The following FSHR variants were observed in gnomAD, a reference collection of about 807,000 sequenced individuals.
FSHR encodes the protein follicle-stimulating hormone receptor.
Under a neutral mutation model 52.1 loss-of-function variants are expected in FSHR, and 46 were observed. That is an observed-to-expected ratio of 0.88 (90% CI 0.70 to 1.13). The LOEUF (loss-of-function observed/expected upper bound fraction) is 1.13. FSHR is among the 50% of genes most tolerant of loss of function. FSHR has a pLI of 0.00. For missense variants in FSHR, 964 were observed against 834.6 expected, an observed-to-expected ratio of 1.16 and a Z score of -1.91; for synonymous variants, 399 against 309.6, an observed-to-expected ratio of 1.29 and a Z score of -3.03.
rs776237964 is a variant in FSHR, at chr2:48,963,878, C to A, written c.943G>T (p.Ala315Ser). The A allele has an allele frequency of 6.2e-7, 1 of 1,613,582 alleles. No homozygotes were observed. Among genetic ancestry groups the A allele is most frequent in the East Asian group, 2.2e-5 (1 of 44,876 alleles). ...TQARGQRSSLAEDNESSYSRG... is the reference protein window; with the variant it reads ...TQARGQRSSLSEDNESSYSRG... ...CTGTAGCTGGACTCATTGTCTTCTG[C>A]CAGAGAGGATCTCTGACCCCTAGCC... Residue 315 changes from alanine (A) to serine (S), a missense_variant, in exon 10 of 10, where the codon GCA (alanine) becomes TCA (serine). Coordinates refer to ENST00000406846, the MANE Select transcript of FSHR (RefSeq NM_000145.4).
chr2:49,096,766 C>T (rs58130184), intron 1 of FSHR, among the ~76,000 whole-genome samples: 4,490 of 152,210 alleles, frequency 0.029, 201 homozygotes, highest in African/African-American at 0.1. Context: ...GTGGGAGGTA[C>T]CTGGATCACT....
intron 1 of FSHR, among the ~76,000 whole-genome samples, chr2:49,100,513 T>C (rs1670986867): frequency 6.6e-6 from 1 of 152,162 alleles, no homozygotes. Flanking sequence ...AAAAGGAAAG[T>C]CTCAAGACTA....
intron 1 of FSHR, among the ~76,000 whole-genome samples, chr2:49,101,088 T>A (rs963932055): frequency 3.3e-5 from 5 of 152,060 alleles, no homozygotes; most frequent in Non-Finnish European, 7.4e-5. Flanking sequence ...TTAGAAAAAA[T>A]TTCTGTGCAT....
chr2:49,139,123 G>T (rs1161916957), intron 1 of FSHR, among the ~76,000 whole-genome samples: 2 of 152,162 alleles, frequency 1.3e-5, no homozygotes, highest in Non-Finnish European at 2.9e-5. Context: ...AGTATATACT[G>T]TCTCAAGCTC....
At chr2:49,060,075 A>C (rs1669227539) in intron 2 of FSHR, among the ~76,000 whole-genome samples, 1 of 152,206 alleles carries the variant, frequency 6.6e-6, no homozygotes, top group African/African-American at 2.4e-5. Flanking sequence ...AAGACATATA[A>C]ATGGCCAACA....
intron 2 of FSHR, among the ~76,000 whole-genome samples, chr2:49,046,685 G>C (rs975458531): frequency 6.6e-6 from 1 of 152,128 alleles, no homozygotes; most frequent in Non-Finnish European, 1.5e-5. Flanking sequence ...GTGACTACCA[G>C]GTAAGTTTCA....
intron 1 of FSHR, among the ~76,000 whole-genome samples, chr2:49,109,758 G>T (rs1671358648): frequency 6.6e-6 from 1 of 152,130 alleles, no homozygotes. Flanking sequence ...TTTCCTTTAT[G>T]CCATTATGAT....
At chr2:49,024,492 T>C (rs931034440) in intron 2 of FSHR, among the ~76,000 whole-genome samples, 11 of 152,178 alleles carry the variant, frequency 7.2e-5, no homozygotes, top group Non-Finnish European at 8.8e-5. Flanking sequence ...GAGAATCACT[T>C]GAACCTGGGA....
chr2:49,090,908 A>G (rs980167819), intron 1 of FSHR, among the ~76,000 whole-genome samples: 2 of 151,996 alleles, frequency 1.3e-5, no homozygotes, highest in Non-Finnish European at 2.9e-5. Flanking sequence ...TGTCATTCTT[A>G]TATTTTTTTT....
chr2:49,062,048 T>G (rs917217608), intron 2 of FSHR, among the ~76,000 whole-genome samples: 18 of 151,704 alleles, frequency 1.2e-4, no homozygotes, highest in Non-Finnish European at 2.5e-4. Context: ...AAATTGCAAT[T>G]CAGACCAAAT....
intron 1 of FSHR, among the ~76,000 whole-genome samples, chr2:49,135,708 A>G (rs2103822936): frequency 6.6e-6 from 1 of 152,316 alleles, no homozygotes; most frequent in South Asian, 2.1e-4. Flanking sequence ...TTAACTACTA[A>G]TAGCCTACTG....
intron 2 of FSHR, among the ~76,000 whole-genome samples, chr2:49,025,057 T>C (rs1271683629): frequency 5.9e-5 from 9 of 152,208 alleles, no homozygotes; most frequent in Admixed American, 5.2e-4. Flanking sequence ...CTTTGAAAGA[T>C]TATAAAAGAT....
intron 1 of FSHR, among the ~76,000 whole-genome samples, chr2:49,088,706 G>A (rs1029057092): frequency 6.6e-6 from 1 of 152,160 alleles, no homozygotes; most frequent in Non-Finnish European, 1.5e-5. Flanking sequence ...TCACATAAAG[G>A]TTGGTTTGGG....
At chr2:48,990,983 C>T (rs1478120844) in intron 4 of FSHR, among the ~76,000 whole-genome samples, 1 of 152,100 alleles carries the variant, frequency 6.6e-6, no homozygotes, top group Admixed American at 6.5e-5. Flanking sequence ...TTTCCAACCT[C>T]ATCATACTTG....
At chr2:49,006,066 G>T (rs962490854) in intron 4 of FSHR, among the ~76,000 whole-genome samples, 16 of 152,190 alleles carry the variant, frequency 1.1e-4, no homozygotes, top group African/African-American at 3.6e-4. Context: ...TTGAACATTA[G>T]ACTCCAAGTT....
intron 4 of FSHR, chr2:48,997,456 A>T (rs1676073128): frequency 2.2e-6 from 2 of 895,940 alleles, no homozygotes; most frequent in Non-Finnish European, 2.7e-6. Context: ...AGCATCCTAG[A>T]TTTGCAATCA....
intron 4 of FSHR, among the ~76,000 whole-genome samples, chr2:48,994,682 G>A (rs938279467): frequency 2.0e-5 from 3 of 152,128 alleles, no homozygotes; most frequent in Non-Finnish European, 4.4e-5. Flanking sequence ...GTCTCAATGG[G>A]TTTGCTTTTG....
intron 1 of FSHR, among the ~76,000 whole-genome samples, chr2:49,070,489 C>G (rs773835518): frequency 6.6e-6 from 1 of 152,104 alleles, no homozygotes; most frequent in Non-Finnish European, 1.5e-5. Context: ...GAAAATAAAC[C>G]AATAAATGAA....
intron 1 of FSHR, among the ~76,000 whole-genome samples, chr2:49,087,738 G>A (rs368646425): frequency 1.3e-5 from 2 of 152,272 alleles, no homozygotes; most frequent in South Asian, 2.1e-4. Flanking sequence ...AAGGGAAGGC[G>A]AAAGATGTGG....
Sources: allele counts gnomAD v4.1 joint callset (sites outside exome capture counted in the v4.1 genomes callset), GRCh38; gene constraint gnomAD v4.1.1; transcripts MANE v1.5; gene names NCBI Gene and HGNC (gene_info 2026-07-23, HGNC 2026-07-21).